Variants in NFIA observed in about 807,000 individuals in gnomAD.
The protein encoded by NFIA is nuclear factor I A.
A neutral mutation model predicts 62.8 loss-of-function variants in NFIA; 8 were observed. The ratio of observed to expected loss-of-function variants is 0.13; its 90% CI spans 0.07 to 0.23. The LOEUF (loss-of-function observed/expected upper bound fraction) is 0.23. Ranked by LOEUF, NFIA falls within the 10% of genes least tolerant of loss-of-function variation. NFIA has a pLI of 1.00. For missense variants in NFIA, 410 were observed against 642.1 expected, an observed-to-expected ratio of 0.64 and a Z score of 3.91; for synonymous variants, 235 against 238.1, an observed-to-expected ratio of 0.99 and a Z score of 0.12.
intron 10 of NFIA, among the ~76,000 whole-genome samples, chr1:61,436,819 T>C (rs1204666779): frequency 6.6e-6 from 1 of 152,232 alleles, no homozygotes; most frequent in African/African-American, 2.4e-5. Flanking sequence ...TCTTAAGGTC[T>C]CACATTGCTT....
In NFIA at chr1:61,438,064, A is replaced by G. The variant is rs149794160; in HGVS notation, c.1512+11508A>G. Among the ~76,000 whole-genome samples the G allele has an allele frequency of 3.1e-3, 472 of 152,252 alleles. 2 individuals carry two copies. The highest frequency in any genetic ancestry group is 0.011 in the African/African-American group (456 of 41,536). The stretch of plus-strand genomic sequence containing the variant: ...ATCCTCCTGAGATACAGGATTTTAT[A>G]GGCAATAGTAGCATTGAGACCTGTG... On this transcript the variant is annotated intron_variant, in intron 10 of 10. Transcript: ENST00000403491.
At chr1:61,097,393 A>G (rs1436570328) in intron 2 of NFIA, among the ~76,000 whole-genome samples, 2 of 152,240 alleles carry the variant, frequency 1.3e-5, no homozygotes, top group Non-Finnish European at 2.9e-5. Context: ...GTACTATTTA[A>G]AAATTTGTAT....
chr1:61,371,479 C>A (rs1663883419), intron 6 of NFIA, among the ~76,000 whole-genome samples: 3 of 151,894 alleles, frequency 2.0e-5, no homozygotes, highest in African/African-American at 7.3e-5. Flanking sequence ...AAAAAAAAAT[C>A]TTTGTGACAC....
chr1:61,273,076 A>G (rs12065316), intron 2 of NFIA, among the ~76,000 whole-genome samples: 7,557 of 152,192 alleles, frequency 0.05, 538 homozygotes, highest in African/African-American at 0.16. Context: ...GTGTTGATGG[A>G]CCAGGAATGA....
rs1668344891 is a variant in NFIA at position 61,457,099 on chromosome 1, A to G, written c.*1779A>G. 1 of 152,190 alleles carries G rather than the reference A, an allele frequency of 6.6e-6. No homozygotes were observed. The highest frequency in any genetic ancestry group is 1.5e-5 in the Non-Finnish European group (1 of 68,042). The allele number at this position is 152,190 out of a possible 1,614,324, so 9.4% of individuals were successfully genotyped here. Reference sequence around the variant, plus strand: ...TACTCTAGGCACTTGCCTTTAAACTATGTTTTTCAGCCCTTCAGAAGGGTT... The same window carrying G: ...TACTCTAGGCACTTGCCTTTAAACTGTGTTTTTCAGCCCTTCAGAAGGGTT... On this transcript the variant is annotated 3_prime_UTR_variant, in exon 11 of 11. Coordinates refer to ENST00000403491, the MANE Select transcript of NFIA (RefSeq NM_001134673.4). This position sits in a 1 kb window ranked among gnomAD's most constrained non-coding sequence, Gnocchi z 4.2.
chr1:61,126,437 AACACACACACAC>A (rs61077935), intron 2 of NFIA, among the ~76,000 whole-genome samples: 7 of 74,796 alleles, frequency 9.4e-5, no homozygotes, highest in Admixed American at 5.9e-4. Flanking sequence ...TTTGAAAATG[AACACACACACAC>A]ACACACACAC....
chr1:61,236,733 A>G (rs1655036475), intron 2 of NFIA, among the ~76,000 whole-genome samples: 1 of 151,898 alleles, frequency 6.6e-6, no homozygotes, highest in South Asian at 2.1e-4. Context: ...CATCAGTGGT[A>G]TTAACGTGTG....
intron 9 of NFIA, among the ~76,000 whole-genome samples, chr1:61,421,401 C>G (rs1666614282): frequency 6.6e-6 from 1 of 152,148 alleles, no homozygotes; most frequent in Non-Finnish European, 1.5e-5. Flanking sequence ...ACTGCGGAAG[C>G]TAGACTTGGT....
At chr1:61,298,302 C>T (rs966508238) in intron 3 of NFIA, among the ~76,000 whole-genome samples, 8 of 152,072 alleles carry the variant, frequency 5.3e-5, no homozygotes, top group Non-Finnish European at 1.0e-4. Context: ...TTGTAAGTTT[C>T]CTGAGGCCTC....
rs71582639 is a variant in NFIA at position 61,358,379 on chromosome 1, C to CTTTCTTTTTTTTTTTTTTTTTTT, written c.819-765_819-764insCTTTTTTTTTTTTTTTTTTTTTT. On this transcript the variant is annotated intron_variant, in intron 5 of 10. Transcript: ENST00000403491. ...TCATTTTCTTTTCTTTTCTTTCTTT[C>CTTTCTTTTTTTTTTTTTTTTTTT]TTTTTTTTTTTTTTTTTTTTTTTTT... Among the ~76,000 whole-genome samples the CTTTCTTTTTTTTTTTTTTTTTTT allele has an allele frequency of 1.5e-4, 8 of 52,618 alleles. 1 individual carries two copies. The highest frequency in any genetic ancestry group is 3.4e-4 in the African/African-American group (4 of 11,832). The allele number at this position is 52,618 out of a possible 152,430, so 34.5% of individuals were successfully genotyped here. A position where few individuals can be genotyped will look rare whatever the true frequency, so the allele number is the denominator to read the frequency against.
intron 3 of NFIA, among the ~76,000 whole-genome samples, chr1:61,331,200 C>A (rs1053065236): frequency 6.6e-6 from 1 of 152,092 alleles, no homozygotes; most frequent in African/African-American, 2.4e-5. Context: ...GGAACTGTTT[C>A]ATCTCAAATA....
intron 2 of NFIA, among the ~76,000 whole-genome samples, chr1:61,122,124 AGTTT>A (rs2100472259): frequency 6.6e-6 from 1 of 152,300 alleles, no homozygotes; most frequent in South Asian, 2.1e-4. Context: ...TTAAAAGTTA[AGTTT>A]ATTAATGTGT....
In NFIA at chr1:61,298,058, T is replaced by C. The variant is rs191813540; in HGVS notation, c.625+20473T>C. On this transcript the variant is annotated intron_variant, in intron 3 of 10. Transcript: ENST00000403491. ...GTTTGGCTCTGTGTCCCCACCCAAA[T>C]CTCATCTCGAATTGTAATCCCCACA... Among the ~76,000 whole-genome samples the C allele has an allele frequency of 4.4e-3, 671 of 152,190 alleles. 10 individuals are homozygous for C. Among genetic ancestry groups the C allele is most frequent in the African/African-American group, 0.016 (648 of 41,528 alleles).
chr1:61,122,008 G>A (rs440611), intron 2 of NFIA, among the ~76,000 whole-genome samples: 143,281 of 152,256 alleles, frequency 0.94, 67,510 homozygotes, highest in Middle Eastern at 0.97. Context: ...AGCATCATAG[G>A]ATGTTATAGT....
chr1:61,078,426 T>G (rs562231778), upstream of NFIA, among the ~76,000 whole-genome samples: 1 of 152,342 alleles, frequency 6.6e-6, no homozygotes, highest in South Asian at 2.1e-4. Flanking sequence ...TTGTGGAATG[T>G]GAAGTTCAAC....
chr1:61,077,958 G>A (rs1320117280), upstream of NFIA, among the ~76,000 whole-genome samples: 1 of 151,084 alleles, frequency 6.6e-6, no homozygotes, highest in Non-Finnish European at 1.5e-5. Context: ...AATCCTGTAC[G>A]TGCTCTGTTC....
At chr1:61,129,171 C>T (rs961689903) in intron 2 of NFIA, among the ~76,000 whole-genome samples, 12 of 151,986 alleles carry the variant, frequency 7.9e-5, no homozygotes, top group African/African-American at 2.9e-4. Flanking sequence ...ATCCGTTCGC[C>T]TCGGCCTCCC....
At chr1:61,257,048 C>T (rs1656442462) in intron 2 of NFIA, among the ~76,000 whole-genome samples, 2 of 152,154 alleles carry the variant, frequency 1.3e-5, no homozygotes. Flanking sequence ...GTTTTACAGT[C>T]CATCTATTTT....
At chr1:61,212,277 A>G (rs1261324799) in intron 2 of NFIA, among the ~76,000 whole-genome samples, 1 of 152,200 alleles carries the variant, frequency 6.6e-6, no homozygotes, top group East Asian at 1.9e-4. Flanking sequence ...GTCACCTTTG[A>G]GACACACTAA....
Sources: allele counts gnomAD v4.1 joint callset (sites outside exome capture counted in the v4.1 genomes callset), GRCh38; gene constraint gnomAD v4.1.1; non-coding constraint Gnocchi (gnomAD v3.1); transcripts MANE v1.5; gene names NCBI Gene and HGNC (gene_info 2026-07-23, HGNC 2026-07-21).